Variants in MYO16 observed in about 807,000 individuals in gnomAD.
MYO16 encodes unconventional myosin-XVI.
MYO16 carries 94 observed loss-of-function variants against 205.3 expected under a neutral mutation model. That is an observed-to-expected ratio of 0.46 (90% CI 0.39 to 0.54). The LOEUF is 0.54. Among genes scored for constraint, MYO16 ranks in the 20% least tolerant of loss-of-function variants. MYO16 has a pLI of 0.00. For missense variants in MYO16, 2,315 were observed against 2,387.5 expected, an observed-to-expected ratio of 0.97 and a Z score of 0.63; for synonymous variants, 988 against 954.0, an observed-to-expected ratio of 1.04 and a Z score of -0.66.
the MYO16 span, among the ~76,000 whole-genome samples, chr13:108,581,879 C>T: frequency 1.6e-5 from 2 of 122,552 alleles, no homozygotes; most frequent in Admixed American, 9.1e-5. Flanking sequence ...AACGCTGTCT[C>T]GAAAAAAAAA....
At position 109,007,362 on chromosome 13, in the gene MYO16, T is replaced by C. The variant is rs557303371; in HGVS notation, c.2443-1535T>C. 4.7e-5 allele frequency among the ~76,000 whole-genome samples: 7 copies of C among 149,392 alleles called. No individual in the cohort carries two copies. In the East Asian group the frequency reaches 9.8e-4, roughly 21 times the overall value. ...GAGATGGCGCCACTGCACTCCAGCCTGGGCGACAGGGCGAGACTCCGTCTC... is the reference window on the plus strand; with the variant it reads ...GAGATGGCGCCACTGCACTCCAGCCCGGGCGACAGGGCGAGACTCCGTCTC... On this transcript the variant is annotated intron_variant, in intron 21 of 34. Transcript: ENST00000457511.
chr13:108,942,575 A>T (rs764721130), intron 16 of MYO16, among the ~76,000 whole-genome samples: 5 of 152,328 alleles, frequency 3.3e-5, no homozygotes, highest in Non-Finnish European at 7.3e-5. Context: ...GATATTGTGC[A>T]TATCACTATT....
intron 34 of MYO16, among the ~76,000 whole-genome samples, chr13:109,183,775 A>T (rs1879557921): frequency 6.6e-6 from 1 of 152,198 alleles, no homozygotes; most frequent in Admixed American, 6.5e-5. Context: ...GAAACCATTC[A>T]TGGTCTTTGA....
intron 4 of MYO16, among the ~76,000 whole-genome samples, chr13:108,732,508 G>A (rs1341562609): frequency 1.3e-5 from 2 of 152,178 alleles, no homozygotes; most frequent in African/African-American, 4.8e-5. Context: ...ACGGTACATA[G>A]AAAGCTATGT....
Position 109,139,814 on chromosome 13 carries a change from G to A in MYO16, c.4052-450G>A, listed in dbSNP as rs143618648. Among the ~76,000 whole-genome samples, 905 of 147,846 alleles carry A rather than the reference G, an allele frequency of 6.1e-3. 24 individuals are homozygous for A. The highest frequency in any genetic ancestry group is 0.037 in the Admixed American group (540 of 14,686). On this transcript the variant is annotated intron_variant, in intron 31 of 34. Transcript: ENST00000457511. ...ACAGATAACACAAGTAGTTTAGGTC[G>A]GGGGTTGATATTATTATTATTATTA...
At chr13:108,926,439 G>T (rs1882009519) in intron 16 of MYO16, among the ~76,000 whole-genome samples, 1 of 152,166 alleles carries the variant, frequency 6.6e-6, no homozygotes. Context: ...GCATCAAATT[G>T]CAATGTGAGA....
intron 23 of MYO16, among the ~76,000 whole-genome samples, chr13:109,027,818 A>C (rs1296047484): frequency 1.3e-5 from 2 of 152,182 alleles, no homozygotes; most frequent in Non-Finnish European, 2.9e-5. Flanking sequence ...GCAGGAATAC[A>C]ACAGTACTTC....
intron 1 of MYO16, among the ~76,000 whole-genome samples, chr13:108,616,469 C>T (rs572100254): frequency 6.6e-6 from 1 of 152,202 alleles, no homozygotes; most frequent in South Asian, 2.1e-4. Context: ...TCTTTTAGCT[C>T]TTCCTCGGCC....
At chr13:109,029,184 G>A (rs532251984) in intron 23 of MYO16, among the ~76,000 whole-genome samples, 22 of 133,434 alleles carry the variant, frequency 1.6e-4, no homozygotes, top group African/African-American at 4.2e-4. Context: ...ACACAATCTC[G>A]GCTCACTGCA....
intron 23 of MYO16, among the ~76,000 whole-genome samples, chr13:109,031,525 G>T (rs1445120693): frequency 6.6e-6 from 1 of 151,978 alleles, no homozygotes; most frequent in Non-Finnish European, 1.5e-5. Flanking sequence ...TTACCAGTTG[G>T]GCATAAATGA....
chr13:108,918,956 A>C (rs1447058949), intron 16 of MYO16, among the ~76,000 whole-genome samples: 3 of 518 alleles, frequency 5.8e-3, no homozygotes, highest in Non-Finnish European at 0.062. Context: ...AAACAGAACA[A>C]AAAAAAAAAA....
chr13:108,600,995 A>G (rs1878742414), intron 1 of MYO16, among the ~76,000 whole-genome samples: 1 of 152,076 alleles, frequency 6.6e-6, no homozygotes, highest in South Asian at 2.1e-4. Context: ...AGAGAGAAAA[A>G]AGTAATCCCA....
At chr13:108,519,792 G>A in the MYO16 span, among the ~76,000 whole-genome samples, 16 of 151,964 alleles carry the variant, frequency 1.1e-4, no homozygotes, top group African/African-American at 2.7e-4. Context: ...AAATGTACCC[G>A]GGAATGAATC....
chr13:108,702,477 A>G (rs150261681), intron 2 of MYO16, among the ~76,000 whole-genome samples: 1 of 152,324 alleles, frequency 6.6e-6, no homozygotes, highest in African/African-American at 2.4e-5. Flanking sequence ...GAGGAATATT[A>G]GGACATTCAT....
intron 2 of MYO16, among the ~76,000 whole-genome samples, chr13:108,677,593 A>G (rs1444843484): frequency 6.6e-6 from 1 of 151,924 alleles, no homozygotes; most frequent in Non-Finnish European, 1.5e-5. Context: ...GAAGGAATGA[A>G]TAATGGGTTC....
chr13:109,183,483 G>A (rs1879544570), intron 34 of MYO16, among the ~76,000 whole-genome samples: 2 of 152,160 alleles, frequency 1.3e-5, no homozygotes, highest in Admixed American at 6.5e-5. Flanking sequence ...ATCTGTTTAG[G>A]GGTCCACACT....
intron 1 of MYO16, among the ~76,000 whole-genome samples, chr13:108,606,486 G>A (rs900349399): frequency 4.6e-5 from 7 of 152,174 alleles, no homozygotes; most frequent in African/African-American, 1.7e-4. Flanking sequence ...TTAGAGGGTG[G>A]AAGTCCCAAG....
chr13:108,625,509 A>G (rs984299673), upstream of MYO16, among the ~76,000 whole-genome samples: 1 of 152,158 alleles, frequency 6.6e-6, no homozygotes, highest in Non-Finnish European at 1.5e-5. Context: ...ATTAGACCGG[A>G]GTTATGTTCC....
chr13:108,571,958 T>C, the MYO16 span, among the ~76,000 whole-genome samples: 1 of 151,630 alleles, frequency 6.6e-6, no homozygotes, highest in Non-Finnish European at 1.5e-5. Context: ...TCTTACTCTA[T>C]TGCCCAGGCT....
Sources: allele counts gnomAD v4.1 joint callset (sites outside exome capture counted in the v4.1 genomes callset), GRCh38; gene constraint gnomAD v4.1.1; transcripts MANE v1.5; gene names NCBI Gene and HGNC (gene_info 2026-07-23, HGNC 2026-07-21).